Variants in SIPA1L3 observed in about 807,000 individuals in gnomAD.
SIPA1L3 encodes signal-induced proliferation-associated 1-like protein 3.
SIPA1L3 carries 59 observed loss-of-function variants against 150.1 expected under a neutral mutation model. The observed-to-expected ratio is 0.39, with a 90% CI of 0.32 to 0.49. SIPA1L3 has a LOEUF of 0.49. Ranked by LOEUF, SIPA1L3 falls within the 20% of genes least tolerant of loss-of-function variation. The probability of loss-of-function intolerance (pLI) is 0.86; values close to 1 mark genes in which losing one functional copy is unlikely to be tolerated. For missense variants in SIPA1L3, 2,211 were observed against 2,489.5 expected (o/e 0.89, Z 2.38); for synonymous variants, 1,070 against 1,077.6 (o/e 0.99, Z 0.14).
intron 1 of SIPA1L3, among the ~76,000 whole-genome samples, chr19:37,925,656 C>CA (rs1298648046): frequency 6.7e-6 from 1 of 149,312 alleles, no homozygotes; most frequent in Non-Finnish European, 1.5e-5. Flanking sequence ...TGCAATGGCC[C>CA]AATCTTGGCT....
At chr19:38,133,358 A>G (rs1334808299) in intron 10 of SIPA1L3, among the ~76,000 whole-genome samples, 1 of 152,230 alleles carries the variant, frequency 6.6e-6, no homozygotes, top group African/African-American at 2.4e-5. Context: ...TTCCTTCTTC[A>G]TATATTGGCT....
intron 1 of SIPA1L3, among the ~76,000 whole-genome samples, chr19:37,920,854 C>T (rs1180363204): frequency 1.3e-5 from 2 of 152,264 alleles, no homozygotes; most frequent in Non-Finnish European, 2.9e-5. Flanking sequence ...AACACCGTGG[C>T]ACTGGCCTTC....
chr19:37,935,297 A>C (rs2046590731), intron 1 of SIPA1L3, among the ~76,000 whole-genome samples: 1 of 152,198 alleles, frequency 6.6e-6, no homozygotes, highest in African/African-American at 2.4e-5. Flanking sequence ...ATGTTTTTTC[A>C]TATTAACAAT....
chr19:38,073,465 C>A (rs145107079), intron 2 of SIPA1L3, among the ~76,000 whole-genome samples: 3 of 152,216 alleles, frequency 2.0e-5, no homozygotes, highest in Non-Finnish European at 4.4e-5. Flanking sequence ...CTGACTGTCT[C>A]CCACTGCCAC....
At chr19:38,191,817 CA>C (rs200185508) in intron 16 of SIPA1L3, among the ~76,000 whole-genome samples, 1 of 151,708 alleles carries the variant, frequency 6.6e-6, no homozygotes, top group African/African-American at 2.4e-5. Context: ...TCTCAAACAA[CA>C]AAAAAAAGCC....
chr19:38,178,320 T>C (rs1271174018), intron 15 of SIPA1L3, among the ~76,000 whole-genome samples: 3 of 151,290 alleles, frequency 2.0e-5, no homozygotes, highest in East Asian at 4.0e-4. Flanking sequence ...CTGGGCAACA[T>C]AGCAAGACCC....
intron 1 of SIPA1L3, among the ~76,000 whole-genome samples, chr19:38,000,907 TATAAC>T (rs1568495904): frequency 1.8e-5 from 2 of 112,664 alleles, no homozygotes; most frequent in African/African-American, 7.4e-5. Flanking sequence ...TATATATATA[TATAAC>T]ATATATATAA....
intron 7 of SIPA1L3, among the ~76,000 whole-genome samples, chr19:38,107,131 T>G (rs1362516070): frequency 6.6e-6 from 1 of 152,210 alleles, no homozygotes; most frequent in Non-Finnish European, 1.5e-5. Context: ...TATTCACAGG[T>G]GCAAAGCAAA....
chr19:38,029,502 C>T (rs1000873335), intron 2 of SIPA1L3, among the ~76,000 whole-genome samples: 1 of 152,188 alleles, frequency 6.6e-6, no homozygotes, highest in Admixed American at 6.5e-5. Context: ...ATGAGCATAC[C>T]TCAGCATATC....
chr19:38,113,291 A>C (rs997299335), intron 8 of SIPA1L3, among the ~76,000 whole-genome samples: 1 of 151,918 alleles, frequency 6.6e-6, no homozygotes, highest in South Asian at 2.1e-4. Context: ...TCCATGTGCC[A>C]TTGCCCAACA....
intron 1 of SIPA1L3, among the ~76,000 whole-genome samples, chr19:37,981,801 G>T (rs1460351020): frequency 6.6e-6 from 1 of 152,136 alleles, no homozygotes. Flanking sequence ...AGGAGGCCCT[G>T]GAAGAGAGGA....
In SIPA1L3 at chr19:38,082,484, A is replaced by G. The variant is rs760292026; in HGVS notation, c.919A>G (p.Ser307Gly). ...VDSSIFRKLR[S>G]SKPEGEAGRS... ...CTCGTCCATCTTTCGGAAGCTAAGG[A>G]GCAGCAAACCCGAGGGGGAGGCTGG... Residue 307 changes from serine (S) to glycine (G), a missense_variant, in exon 3 of 22, where the codon AGC becomes GGC. Transcript: ENST00000222345. 1.3e-6 allele frequency: 2 copies of G among 1,593,006 alleles called. No homozygotes were observed. The highest frequency in any genetic ancestry group is 1.1e-5 in the South Asian group (1 of 89,740).
At position 37,965,309 on chromosome 19, in the gene SIPA1L3, T is replaced by C. The variant is rs117107143; in HGVS notation, c.-379+57951T>C. ...ATTATGATTTTATCAGTTCTTTTTA[T>C]ATTTCTAGTTTTTTTTTTTTTTTTT... On this transcript the variant is annotated intron_variant, in intron 1 of 21. Coordinates refer to ENST00000222345, the MANE Select transcript of SIPA1L3 (RefSeq NM_015073.3). 7.1e-3 allele frequency among the ~76,000 whole-genome samples: 1,064 copies of C among 150,098 alleles called. 36 individuals carry two copies. Among genetic ancestry groups the C allele is most frequent in the East Asian group, 0.065 (335 of 5,122 alleles).
At chr19:38,188,982 C>A (rs535516905) in intron 16 of SIPA1L3, among the ~76,000 whole-genome samples, 1 of 152,152 alleles carries the variant, frequency 6.6e-6, no homozygotes, top group Admixed American at 6.5e-5. Flanking sequence ...TGCTCCCTCC[C>A]CAAAAGCAGC....
intron 16 of SIPA1L3, among the ~76,000 whole-genome samples, chr19:38,190,939 A>G (rs1238476370): frequency 6.6e-6 from 1 of 152,192 alleles, no homozygotes; most frequent in Non-Finnish European, 1.5e-5. Flanking sequence ...GTGACAGTCA[A>G]GCTTGGCAGT....
rs1391350101 is a variant in SIPA1L3 at position 38,020,583 on chromosome 19, C to T, written c.-378-8506C>T. Among the ~76,000 whole-genome samples, 13 of 152,220 alleles carry T rather than the reference C, an allele frequency of 8.5e-5. No homozygotes were observed. The East Asian group carries it at 2.5e-3, about 29-fold the overall frequency. Reference sequence around the variant, plus strand: ...TGCAGGATTTCCGCAGCCCCTGAGCCTGGGGCCAGCCGACCACAGTGCCTG... The same window carrying T: ...TGCAGGATTTCCGCAGCCCCTGAGCTTGGGGCCAGCCGACCACAGTGCCTG... On this transcript the variant is annotated intron_variant, in intron 1 of 21. Coordinates refer to ENST00000222345, the MANE Select transcript of SIPA1L3 (RefSeq NM_015073.3).
intron 1 of SIPA1L3, among the ~76,000 whole-genome samples, chr19:38,017,520 CTTTTTTTT>C (rs764574386): frequency 2.2e-4 from 30 of 138,824 alleles, no homozygotes; most frequent in South Asian, 4.6e-4. Flanking sequence ...CAGCTATCTC[CTTTTTTTT>C]TTTTTTTTTC....
chr19:38,000,460 G>C (rs1214947292), intron 1 of SIPA1L3, among the ~76,000 whole-genome samples: 1 of 134,488 alleles, frequency 7.4e-6, no homozygotes, highest in Non-Finnish European at 1.5e-5. Context: ...AGAGTGCACA[G>C]AGTGAGACTC....
At chr19:37,927,449 GC>G (rs1231569347) in intron 1 of SIPA1L3, among the ~76,000 whole-genome samples, 5 of 152,054 alleles carry the variant, frequency 3.3e-5, no homozygotes, top group Non-Finnish European at 7.4e-5. Flanking sequence ...ACTGCGCCTA[GC>G]CCCCAGTAGG....
Sources: gnomAD v4.1 joint callset for allele counts (sites outside exome capture counted in the v4.1 genomes callset) on GRCh38, gnomAD v4.1.1 for gene constraint, MANE v1.5 for transcripts, NCBI Gene and HGNC (gene_info 2026-07-23, HGNC 2026-07-21) for gene names.